The following LRP1B variants were observed in gnomAD, a reference collection of about 807,000 sequenced individuals.
The protein encoded by LRP1B is LDL receptor related protein 1B.
A neutral mutation model predicts 556.6 loss-of-function variants in LRP1B; 217 were observed. The ratio of observed to expected loss-of-function variants is 0.39; its 90% CI spans 0.35 to 0.44. The LOEUF (loss-of-function observed/expected upper bound fraction) is 0.44, where lower values mean the gene tolerates loss of function less well. LRP1B is among the 20% of genes least tolerant of loss of function. The pLI is 1.00. For synonymous variants in LRP1B, 2,047 were observed against 1,865.8 expected, an observed-to-expected ratio of 1.10 and a Z score of -2.50; for missense variants, 5,053 against 5,620.8, an observed-to-expected ratio of 0.90 and a Z score of 3.23.
chr2:140,902,055 T>C (rs1475456730), intron 23 of LRP1B, among the ~76,000 whole-genome samples: 3 of 152,202 alleles, frequency 2.0e-5, no homozygotes, highest in Non-Finnish European at 4.4e-5. Context: ...AATTCATAGT[T>C]GCTGCTAATG....
At chr2:141,129,259 T>C (rs1701290910) in intron 7 of LRP1B, among the ~76,000 whole-genome samples, 3 of 152,128 alleles carry the variant, frequency 2.0e-5, no homozygotes. Context: ...TATCTTAAAA[T>C]CGTAAGGTAT....
intron 1 of LRP1B, among the ~76,000 whole-genome samples, chr2:141,983,589 A>G (rs1049534818): frequency 3.9e-5 from 6 of 152,194 alleles, no homozygotes; most frequent in African/African-American, 1.4e-4. Context: ...GATAAATAAA[A>G]TAAGTCATCC....
chr2:141,009,673 T>C (rs536395218), intron 14 of LRP1B, among the ~76,000 whole-genome samples: 6 of 152,122 alleles, frequency 3.9e-5, no homozygotes, highest in African/African-American at 1.4e-4. Context: ...ATGTCTGTTA[T>C]ACTAGTCCTG....
At chr2:140,700,144 A>T in intron 41 of LRP1B, 106 bp downstream of exon 41, 1 of 1,023,114 alleles carries the variant, frequency 9.8e-7, no homozygotes. Context: ...TCCTGAATAT[A>T]AAATCTAGGA....
At chr2:141,216,734 A>G (rs1341111081) in intron 6 of LRP1B, among the ~76,000 whole-genome samples, 1 of 152,110 alleles carries the variant, frequency 6.6e-6, no homozygotes, top group Non-Finnish European at 1.5e-5. Context: ...ATTATTTTAG[A>G]GCTTTAATAT....
intron 35 of LRP1B, among the ~76,000 whole-genome samples, chr2:140,751,670 G>C (rs1688584238): frequency 6.6e-6 from 1 of 152,058 alleles, no homozygotes; most frequent in Non-Finnish European, 1.5e-5. Context: ...ATACACCTAA[G>C]ACATATGTCA....
chr2:141,651,333 T>C (rs1188980496), intron 2 of LRP1B, among the ~76,000 whole-genome samples: 1 of 152,112 alleles, frequency 6.6e-6, no homozygotes, highest in East Asian at 1.9e-4. Flanking sequence ...TAAATATGAA[T>C]CTCAGATAAA....
intron 35 of LRP1B, among the ~76,000 whole-genome samples, chr2:140,722,905 T>C (rs1267435340): frequency 2.6e-5 from 4 of 151,998 alleles, no homozygotes; most frequent in African/African-American, 7.2e-5. Flanking sequence ...TAGCCGGGCA[T>C]GTTGGCGGGC....
At chr2:141,450,575 T>TA (rs963112187) in intron 3 of LRP1B, among the ~76,000 whole-genome samples, 2 of 150,002 alleles carry the variant, frequency 1.3e-5, no homozygotes, top group African/African-American at 4.9e-5. Flanking sequence ...TGCCATATTT[T>TA]AAAAAAAAAT....
At chr2:141,450,161 T>A (rs930685123) in intron 3 of LRP1B, among the ~76,000 whole-genome samples, 1 of 152,092 alleles carries the variant, frequency 6.6e-6, no homozygotes, top group Non-Finnish European at 1.5e-5. Context: ...GATAGGGAGA[T>A]AGAAAGATGT....
At chr2:140,248,323 T>C (rs558657671) in intron 86 of LRP1B, among the ~76,000 whole-genome samples, 1 of 151,778 alleles carries the variant, frequency 6.6e-6, no homozygotes, top group East Asian at 1.9e-4. Flanking sequence ...TTGAACACAA[T>C]TGGCAATAAG....
At chr2:141,595,049 A>C (rs1687469984) in intron 2 of LRP1B, among the ~76,000 whole-genome samples, 1 of 152,120 alleles carries the variant, frequency 6.6e-6, no homozygotes, top group Non-Finnish European at 1.5e-5. Context: ...TTCATGAAAG[A>C]CGGAATAGTA....
chr2:141,169,088 C>T (rs1321887794), intron 7 of LRP1B, among the ~76,000 whole-genome samples: 1 of 151,652 alleles, frequency 6.6e-6, no homozygotes, highest in African/African-American at 2.4e-5. Context: ...GAGTTTGAGA[C>T]CAGCCCAACC....
chr2:140,301,315 CA>C (rs147456828), intron 83 of LRP1B, among the ~76,000 whole-genome samples: 7,083 of 151,900 alleles, frequency 0.047, 242 homozygotes, highest in East Asian at 0.16. Context: ...CTTCAAAAGA[CA>C]ATCATACTCT....
intron 41 of LRP1B, among the ~76,000 whole-genome samples, chr2:140,663,850 A>C (rs1685177899): frequency 6.6e-6 from 1 of 152,098 alleles, no homozygotes; most frequent in Non-Finnish European, 1.5e-5. Flanking sequence ...AAGTTTAATC[A>C]TTTCTAGCTT....
chr2:141,867,590 G>A (rs1380711856), intron 1 of LRP1B, among the ~76,000 whole-genome samples: 2 of 152,126 alleles, frequency 1.3e-5, no homozygotes, highest in East Asian at 3.8e-4. Context: ...CAGTATTAAA[G>A]TGTTGGCATT....
intron 2 of LRP1B, among the ~76,000 whole-genome samples, chr2:141,534,242 C>T (rs72992773): frequency 0.031 from 4,727 of 152,200 alleles, 262 homozygotes; most frequent in African/African-American, 0.11. Context: ...GACAGCCAAC[C>T]AGAGGCTACG....
At chr2:140,842,758 T>C (rs547534962) in intron 29 of LRP1B, among the ~76,000 whole-genome samples, 9 of 152,308 alleles carry the variant, frequency 5.9e-5, no homozygotes, top group Admixed American at 1.3e-4. Flanking sequence ...GCTGTATTGA[T>C]GTAATAAGAA....
At chr2:141,885,852 A>C (rs1188099049) in intron 1 of LRP1B, among the ~76,000 whole-genome samples, 1 of 152,220 alleles carries the variant, frequency 6.6e-6, no homozygotes, top group Non-Finnish European at 1.5e-5. Context: ...AAAAGTAAGG[A>C]TATGGCTACA....
Sources: allele counts gnomAD v4.1 joint callset (sites outside exome capture counted in the v4.1 genomes callset), GRCh38; gene constraint gnomAD v4.1.1; transcripts MANE v1.5; gene names NCBI Gene and HGNC (gene_info 2026-07-23, HGNC 2026-07-21).